Variants in CENPE observed in about 807,000 individuals in gnomAD.
CENPE encodes the protein centromere-associated protein E.
Under a neutral mutation model 336.1 loss-of-function variants are expected in CENPE, and 145 were observed. The ratio of observed to expected loss-of-function variants is 0.43; its 90% confidence interval spans 0.38 to 0.50. The LOEUF is 0.50. Among genes scored for constraint, CENPE ranks in the 20% least tolerant of loss-of-function variants. The pLI is 0.00. For synonymous variants in CENPE, 1,013 were observed against 984.8 expected (o/e 1.03, Z -0.54); for missense variants, 2,719 against 3,023.3 (o/e 0.90, Z 2.36).
intron 48 of CENPE, among the ~76,000 whole-genome samples, chr4:103,107,683 C>T (rs908599729): frequency 6.6e-6 from 1 of 152,140 alleles, no homozygotes; most frequent in Non-Finnish European, 1.5e-5. Context: ...CTCCCCACTC[C>T]TTTGTTCAAT....
intron 22 of CENPE, 21 bp from the exon 23 acceptor site, chr4:103,158,907 A>G (rs1297098442): frequency 3.2e-6 from 5 of 1,586,186 alleles, no homozygotes; most frequent in Non-Finnish European, 4.3e-6. Context: ...GAAAAAGTAA[A>G]TGTCACACAG....
intron 44 of CENPE, among the ~76,000 whole-genome samples, chr4:103,118,554 T>G (rs1261934549): frequency 6.6e-6 from 1 of 152,186 alleles, no homozygotes; most frequent in Non-Finnish European, 1.5e-5. Flanking sequence ...ACTTACCAGT[T>G]TTTTTCTTTA....
intron 43 of CENPE, among the ~76,000 whole-genome samples, chr4:103,121,167 C>A (rs982331586): frequency 2.0e-5 from 3 of 152,138 alleles, no homozygotes; most frequent in African/African-American, 4.8e-5. Flanking sequence ...TCAGGTGTAT[C>A]CTTCCAGAAA....
At position 103,159,304 on chromosome 4, in the gene CENPE, C is replaced by A. The variant is rs1754230765; in HGVS notation, c.2307G>T (p.Glu769Asp). The change falls in exon 22 of 49, where the codon GAG (glutamate) becomes GAT (aspartate). Residue 769 changes from glutamate to aspartate, a missense_variant. Physicochemically the swap from Glu to Asp is conservative, Grantham distance 45. This residue lies in a region of CENPE where 2,437 missense variants were observed against 2,513.3 expected (regional missense o/e 0.97). Coordinates refer to ENST00000265148, the MANE Select transcript of CENPE (RefSeq NM_001813.3). ...CTTTTTCTGATGTTATTATATGGAG[C>A]TCTTCAGATTTGTCTTGTATCTATG... is the stretch of plus-strand genomic sequence containing the variant. ...LRKEIQDKSE[E>D]LHIITSEKDK... 6.6e-7 allele frequency: 1 copy of A among 1,525,792 alleles called. No homozygotes were observed. Among genetic ancestry groups the A allele is most frequent in the Non-Finnish European group, 8.8e-7 (1 of 1,136,812 alleles). 94.5% of individuals were successfully genotyped at this position (1,525,792 alleles called of 1,614,324 possible). A position where few individuals can be genotyped will look rare whatever the true frequency, so the allele number is the denominator to read the frequency against.
intron 42 of CENPE, among the ~76,000 whole-genome samples, chr4:103,124,116 G>GA (rs1205792275): frequency 1.3e-5 from 2 of 152,092 alleles, no homozygotes; most frequent in Non-Finnish European, 2.9e-5. Context: ...TGGATGTATA[G>GA]AAAAAACAGA....
chr4:103,149,028 T>C, intron 27 of CENPE, 29 bp from the exon 28 acceptor site: 1 of 1,600,678 alleles, frequency 6.2e-7, no homozygotes, highest in Non-Finnish European at 8.5e-7. Context: ...AAGAATATTG[T>C]AATATTCTTC....
At chr4:103,191,771 G>A (rs1757373582) in intron 8 of CENPE, among the ~76,000 whole-genome samples, 1 of 151,864 alleles carries the variant, frequency 6.6e-6, no homozygotes, top group South Asian at 2.1e-4. Flanking sequence ...TTGTGCACAT[G>A]TACCCTAAAA....
intron 1 of CENPE, among the ~76,000 whole-genome samples, 172 bp from the exon 2 acceptor site, chr4:103,197,022 T>C (rs1175021876): frequency 6.6e-6 from 1 of 152,252 alleles, no homozygotes; most frequent in East Asian, 1.9e-4. Flanking sequence ...AGTGACCTTC[T>C]GCCGCCTCAA....
intron 43 of CENPE, among the ~76,000 whole-genome samples, chr4:103,122,536 A>G (rs1164098593): frequency 1.3e-5 from 2 of 152,226 alleles, no homozygotes; most frequent in African/African-American, 4.8e-5. Flanking sequence ...TTTGTTCTGC[A>G]TACGGACATA....
intron 8 of CENPE, among the ~76,000 whole-genome samples, chr4:103,186,958 T>C (rs1009318514): frequency 6.6e-6 from 1 of 152,136 alleles, no homozygotes; most frequent in African/African-American, 2.4e-5. Context: ...AAAGGCAGTG[T>C]GGCACAGTTG....
chr4:103,170,022 C>G (rs555505544), intron 16 of CENPE, among the ~76,000 whole-genome samples: 1 of 152,132 alleles, frequency 6.6e-6, no homozygotes, highest in South Asian at 2.1e-4. Flanking sequence ...TCTCAGCAAA[C>G]TAACACAAGA....
Position 103,158,820 on chromosome 4 carries a change from C to T in CENPE, c.2668G>A (p.Glu890Lys). ...TTTTCTAATTGTTCCTTCAGCTGTTCCATCTCATTTAGTCTTTCTTGAACC... is the reference window on the plus strand; with the variant it reads ...TTTTCTAATTGTTCCTTCAGCTGTTTCATCTCATTTAGTCTTTCTTGAACC... Reference protein sequence around the residue: ...REVQERLNEMEQLKEQLENRD... With the variant: ...REVQERLNEMKQLKEQLENRD... Residue 890 changes from glutamate (E) to lysine (K), a missense_variant, in exon 23 of 49, where the codon GAA (glutamate) becomes AAA (lysine). Physicochemically the swap from Glu to Lys is moderately conservative, Grantham distance 56. Around this residue, in one of 5 missense-constraint regions of CENPE, gnomAD observed 2,437 missense variants for 2,513.3 expected, o/e 0.97. Coordinates refer to ENST00000265148, the MANE Select transcript of CENPE (RefSeq NM_001813.3). The T allele has an allele frequency of 2.5e-6, 4 of 1,612,966 alleles. No individual in the cohort carries two copies. The highest frequency in any genetic ancestry group is 3.4e-6 in the Non-Finnish European group (4 of 1,179,432).
rs1753007891 is a variant in CENPE, at chr4:103,145,852, T to C, written c.4390A>G (p.Asn1464Asp). Reference protein sequence around the residue: ...LQSESDQLKENIKEIVAKHLE... With the variant: ...LQSESDQLKEDIKEIVAKHLE... ...ACTTTAGCTACAATTTCTTTTATGT[T>C]TTCTTTGAGCTGGTCACTTTCAGAT... is the stretch of plus-strand genomic sequence containing the variant. Residue 1464 changes from asparagine to aspartate, a missense_variant, in exon 30 of 49, where the codon AAC (asparagine) becomes GAC (aspartate). This residue lies in a region of CENPE where 2,437 missense variants were observed against 2,513.3 expected (regional missense o/e 0.97). Coordinates refer to ENST00000265148, the MANE Select transcript of CENPE (RefSeq NM_001813.3). 6.3e-7 allele frequency: 1 copy of C among 1,596,236 alleles called. No homozygotes were observed. Among genetic ancestry groups the C allele is most frequent in the African/African-American group, 1.4e-5 (1 of 73,694 alleles).
intron 26 of CENPE, among the ~76,000 whole-genome samples, chr4:103,150,507 CA>C (rs1393641918): frequency 2.6e-5 from 4 of 151,812 alleles, no homozygotes; most frequent in East Asian, 3.9e-4. Flanking sequence ...AGCCTGAACC[CA>C]GGGGGGGTTG....
At chr4:103,139,593 T>C (rs1188532674) in intron 38 of CENPE, among the ~76,000 whole-genome samples, 196 bp downstream of exon 38, 1 of 152,192 alleles carries the variant, frequency 6.6e-6, no homozygotes, top group Non-Finnish European at 1.5e-5. Flanking sequence ...AATAAAGAAT[T>C]AAATGTTATT....
intron 24 of CENPE, among the ~76,000 whole-genome samples, chr4:103,155,102 C>T (rs1352513949): frequency 1.3e-5 from 2 of 152,142 alleles, no homozygotes; most frequent in African/African-American, 4.8e-5. Flanking sequence ...CCAGCTACAT[C>T]CTTTTATCAA....
chr4:103,191,606 C>T (rs578020983), intron 8 of CENPE, among the ~76,000 whole-genome samples: 310 of 128,346 alleles, frequency 2.4e-3, no homozygotes, highest in African/African-American at 8.8e-3. Context: ...AATGAGAACA[C>T]GTGGACACAG....
At chr4:103,137,945 GC>G (rs1752206541) in intron 39 of CENPE, among the ~76,000 whole-genome samples, 1 of 152,092 alleles carries the variant, frequency 6.6e-6, no homozygotes, top group Non-Finnish European at 1.5e-5. Flanking sequence ...CCCACAGCTT[GC>G]CTCTTCCCTG....
chr4:103,144,908 T>A, intron 32 of CENPE, 142 bp downstream of exon 32: 1 of 701,938 alleles, frequency 1.4e-6, no homozygotes, highest in Non-Finnish European at 2.2e-6. Context: ...CTCAGTTGAA[T>A]ATAAGCAGTT....
Sources: gnomAD v4.1 joint callset for allele counts (sites outside exome capture counted in the v4.1 genomes callset) on GRCh38, gnomAD v4.1.1 for gene constraint, gnomAD v4.1.1 regional missense constraint, MANE v1.5 for transcripts, NCBI Gene and HGNC (gene_info 2026-07-23, HGNC 2026-07-21) for gene names.